The following IGSF11 variants were observed in gnomAD, a reference collection of about 807,000 sequenced individuals.
IGSF11 encodes immunoglobulin superfamily member 11, also known as CXADR like 1.
A neutral mutation model predicts 41.0 loss-of-function variants in IGSF11; 22 were observed. The ratio of observed to expected loss-of-function variants is 0.54; its 90% confidence interval spans 0.38 to 0.77. IGSF11 has a LOEUF of 0.77. IGSF11 is among the 30% of genes least tolerant of loss of function. The probability of loss-of-function intolerance (pLI) is 0.00; values close to 1 mark genes in which losing one functional copy is unlikely to be tolerated. For synonymous variants in IGSF11, 219 were observed against 201.3 expected, an observed-to-expected ratio of 1.09 and a Z score of -0.74; for missense variants, 444 against 530.8, an observed-to-expected ratio of 0.84 and a Z score of 1.61.
rs371962548 is a variant in IGSF11, at chr3:119,123,813, G to A, written c.-13-18608C>T. On this transcript the variant is annotated intron_variant, in intron 1 of 7. Transcript: ENST00000425327. The stretch of plus-strand genomic sequence containing the variant: ...ACCACAATGTTACTGAGCTCAAGGT[G>A]CCCCCTAATGTAGATATGGCTTAGG... 3.3e-5 allele frequency among the ~76,000 whole-genome samples: 5 copies of A among 152,180 alleles called. No homozygotes were observed. The East Asian group carries it at 5.8e-4, about 18-fold the overall frequency.
At chr3:119,035,879 T>C (rs907058945), upstream of IGSF11, among the ~76,000 whole-genome samples, 1 of 152,286 alleles carries the variant, frequency 6.6e-6, no homozygotes. Context: ...AAATTAGGGT[T>C]CTCGGAGCCA....
chr3:118,953,435 T>C (rs963869223), intron 1 of IGSF11, among the ~76,000 whole-genome samples: 2 of 152,236 alleles, frequency 1.3e-5, no homozygotes, highest in Non-Finnish European at 2.9e-5. Flanking sequence ...CTGGATCAAA[T>C]GGTAGTTCTA....
At chr3:119,132,080 C>T (rs1439329245) in intron 1 of IGSF11, among the ~76,000 whole-genome samples, 1 of 152,132 alleles carries the variant, frequency 6.6e-6, no homozygotes, top group Non-Finnish European at 1.5e-5. Context: ...ATGACCAGTA[C>T]CAGCCACTGC....
intron 1 of IGSF11, among the ~76,000 whole-genome samples, chr3:119,144,184 G>C (rs931364720): frequency 1.3e-5 from 2 of 152,042 alleles, no homozygotes; most frequent in Non-Finnish European, 2.9e-5. Context: ...CCAGTAGCTG[G>C]GACCACAGGT....
chr3:118,903,059 C>T, intron 6 of IGSF11, 98 bp from the exon 7 acceptor site: 1 of 1,163,878 alleles, frequency 8.6e-7, no homozygotes, highest in Non-Finnish European at 1.2e-6. Flanking sequence ...GCTTATACAT[C>T]CAAAAAACAA....
At chr3:119,118,506 G>C (rs967909983) in intron 1 of IGSF11, among the ~76,000 whole-genome samples, 35 of 152,176 alleles carry the variant, frequency 2.3e-4, no homozygotes, top group African/African-American at 8.0e-4. Flanking sequence ...CTTGGGCTCA[G>C]CCCACAAAAT....
chr3:119,001,404 GTGGTAACTCAAAAGATATTT>G (rs1302477292), intron 1 of IGSF11, among the ~76,000 whole-genome samples: 1 of 151,034 alleles, frequency 6.6e-6, no homozygotes, highest in Admixed American at 6.6e-5. Context: ...CTGGCACGCA[GTGGTAACTCAAAAGATATTT>G]GTTTTTTGCT....
chr3:118,926,350 G>T lies in IGSF11; in HGVS notation c.425-94C>A. ...CAACATTCAGTACATTGGACCCTTA[G>T]ATTACACTGTTTTGGGAACATATAC... On this transcript the variant is annotated intron_variant, in intron 3 of 6. Transcript: ENST00000393775. The T allele has an allele frequency of 2.9e-6, 3 of 1,045,460 alleles. No individual in the cohort carries two copies. In the Admixed American group the frequency reaches 8.0e-5, roughly 28 times the overall value. 64.8% of individuals were successfully genotyped at this position (1,045,460 alleles called of 1,614,324 possible).
intron 1 of IGSF11, among the ~76,000 whole-genome samples, chr3:118,940,053 A>C (rs1943568816): frequency 1.3e-5 from 2 of 152,202 alleles, no homozygotes; most frequent in South Asian, 4.1e-4. Context: ...AAAGAAGAAC[A>C]AAGAGATATT....
At chr3:119,114,598 T>C (rs1268501557) in intron 1 of IGSF11, among the ~76,000 whole-genome samples, 1 of 152,218 alleles carries the variant, frequency 6.6e-6, no homozygotes, top group Non-Finnish European at 1.5e-5. Context: ...GACTTCCTTG[T>C]CCTTTTCACT....
chr3:119,034,344 G>A (rs1288896343), intron 1 of IGSF11, among the ~76,000 whole-genome samples, 187 bp downstream of exon 1: 2 of 152,204 alleles, frequency 1.3e-5, no homozygotes, highest in Non-Finnish European at 2.9e-5. Flanking sequence ...TGGGCTGCGC[G>A]GGCGGCAGAA....
Position 118,952,949 on chromosome 3 carries a change from ACATGGAT to A in IGSF11, c.53-22681_53-22675del, listed in dbSNP as rs1944678310. Among the ~76,000 whole-genome samples the A allele has an allele frequency of 2.0e-5, 3 of 152,194 alleles. No individual in the cohort carries two copies. In the East Asian group the frequency reaches 5.8e-4, roughly 29 times the overall value. ...TTTGGGGAACAGGTGGTGTTTGGTT[ACATGGAT>A]AAGTGCTTTAGTGGTGATTTGTGAG... On this transcript the variant is annotated intron_variant, in intron 1 of 6. Transcript: ENST00000393775.
intron 1 of IGSF11, among the ~76,000 whole-genome samples, chr3:119,059,207 A>ACACCCC (rs755839793): frequency 2.1e-5 from 3 of 144,508 alleles, no homozygotes; most frequent in African/African-American, 7.6e-5. Flanking sequence ...ACACACACAC[A>ACACCCC]CCACACCATG....
At chr3:118,942,524 G>A (rs918556698) in intron 1 of IGSF11, among the ~76,000 whole-genome samples, 6 of 152,160 alleles carry the variant, frequency 3.9e-5, no homozygotes, top group South Asian at 2.1e-4. Flanking sequence ...CTGAAGGGCC[G>A]AAGTCCAAGC....
intron 1 of IGSF11, among the ~76,000 whole-genome samples, chr3:118,931,147 T>C (rs1366520889): frequency 6.6e-6 from 1 of 152,190 alleles, no homozygotes; most frequent in Non-Finnish European, 1.5e-5. Flanking sequence ...CAACAAATGG[T>C]GCTGGGATAA....
intron 1 of IGSF11, among the ~76,000 whole-genome samples, chr3:119,079,677 A>G (rs1384149508): frequency 6.6e-6 from 1 of 152,262 alleles, no homozygotes; most frequent in East Asian, 1.9e-4. Flanking sequence ...TGTGATGCAT[A>G]TATACCATGG....
At position 118,918,102 on chromosome 3, in the gene IGSF11, G is replaced by A. The variant is rs1175637174; in HGVS notation, c.580+7999C>T. The stretch of plus-strand genomic sequence containing the variant: ...TCAATAAATTAGGTATTGATGGGAC[G>A]TATTTCAAAATAATAAGAGCTATCT... On this transcript the variant is annotated intron_variant, in intron 4 of 6. Coordinates refer to ENST00000393775, the MANE Select transcript of IGSF11 (RefSeq NM_001015887.3). 5.9e-4 allele frequency among the ~76,000 whole-genome samples: 60 copies of A among 101,962 alleles called. No homozygotes were observed. The East Asian group carries it at 0.011, about 18-fold the overall frequency. 66.9% of individuals were successfully genotyped at this position (101,962 alleles called of 152,430 possible).
At position 119,128,967 on chromosome 3, in the gene IGSF11, G is replaced by A. The variant is rs113424035; in HGVS notation, c.-14+16846C>T. Among the ~76,000 whole-genome samples the A allele has an allele frequency of 3.6e-3, 546 of 152,282 alleles. 2 individuals carry two copies. Among genetic ancestry groups the A allele is most frequent in the African/African-American group, 0.012 (510 of 41,560 alleles). ...AAGAAAATGTGGACATATACACTAT[G>A]GAATACTATGAAGCCATAAAAAATG... On this transcript the variant is annotated intron_variant, in intron 1 of 7. Coordinates refer to the IGSF11 transcript ENST00000425327.
chr3:119,129,970 C>A (rs1310548105), intron 1 of IGSF11, among the ~76,000 whole-genome samples: 1 of 151,802 alleles, frequency 6.6e-6, no homozygotes, highest in Non-Finnish European at 1.5e-5. Flanking sequence ...GGGCAACAGA[C>A]CAAGACTCTG....
Sources: gnomAD v4.1 joint callset for allele counts (sites outside exome capture counted in the v4.1 genomes callset) on GRCh38, gnomAD v4.1.1 for gene constraint, MANE v1.5 for transcripts, NCBI Gene and HGNC (gene_info 2026-07-23, HGNC 2026-07-21) for gene names.